The following PTPRD variants were observed in gnomAD, a reference collection of about 807,000 sequenced individuals.
PTPRD encodes receptor-type tyrosine-protein phosphatase delta.
PTPRD carries 34 observed loss-of-function variants against 214.5 expected under a neutral mutation model. The observed-to-expected ratio is 0.16, with a 90% CI of 0.12 to 0.21. The LOEUF (loss-of-function observed/expected upper bound fraction) is 0.21, where lower values mean the gene tolerates loss of function less well. Ranked by LOEUF, PTPRD falls within the 10% of genes least tolerant of loss-of-function variation. PTPRD has a pLI of 1.00. For missense variants in PTPRD, 2,545 were observed against 2,398.7 expected (o/e 1.06, Z -1.27); for synonymous variants, 1,128 against 845.7 (o/e 1.33, Z -5.79).
intron 2 of PTPRD, among the ~76,000 whole-genome samples, chr9:10,382,745 A>G (rs1447000649): frequency 6.6e-6 from 1 of 151,930 alleles, no homozygotes; most frequent in African/African-American, 2.4e-5. Flanking sequence ...ATCTATTTTT[A>G]TCCACTAATT....
intron 2 of PTPRD, among the ~76,000 whole-genome samples, chr9:10,372,836 C>CATTATTATT (rs6150914): frequency 0.78 from 113,893 of 146,454 alleles, 45,018 homozygotes; most frequent in East Asian, 0.88. Flanking sequence ...TGTTTTTATA[C>CATTATTATT]ATTATTATTA....
At chr9:8,434,052 G>A (rs747779230) in intron 35 of PTPRD, among the ~76,000 whole-genome samples, 8 of 152,052 alleles carry the variant, frequency 5.3e-5, no homozygotes, top group South Asian at 2.1e-4. Context: ...TGCGACCCTT[G>A]GCTCACTGCA....
At chr9:9,861,293 T>C (rs2062710558) in intron 5 of PTPRD, among the ~76,000 whole-genome samples, 1 of 152,118 alleles carries the variant, frequency 6.6e-6, no homozygotes, top group Admixed American at 6.5e-5. Flanking sequence ...TTTTTTGTTT[T>C]TTGCTTTTTG....
At position 9,666,222 on chromosome 9, in the gene PTPRD, T is replaced by C. The variant is rs188179317; in HGVS notation, c.-287+68311A>G. 7.4e-3 allele frequency among the ~76,000 whole-genome samples: 1,123 copies of C among 152,058 alleles called. 13 individuals carry two copies. Among genetic ancestry groups the C allele is most frequent in the African/African-American group, 0.026 (1,066 of 41,536 alleles). On this transcript the variant is annotated intron_variant, in intron 7 of 45. Transcript: ENST00000381196. ...TGATTAATGCCTATTGGTGAGGGAT[T>C]GGTTAATTAAAACATTAAACATTTA...
At position 9,817,601 on chromosome 9, in the gene PTPRD, C is replaced by G. The variant is rs545276117; in HGVS notation, c.-367-50750G>C. ...TCCATAAAAAACTGAATGTAAAATA[C>G]TGATGACAGTTAATTTTGTTTCTTT... On this transcript the variant is annotated intron_variant, in intron 5 of 45. Coordinates refer to ENST00000381196, the MANE Select transcript of PTPRD (RefSeq NM_002839.4). 2.6e-5 allele frequency among the ~76,000 whole-genome samples: 4 copies of G among 152,222 alleles called. No homozygotes were observed. The South Asian group carries it at 8.3e-4, about 32-fold the overall frequency.
chr9:8,986,051 T>G lies in PTPRD; in HGVS notation c.-104+32646A>C, dbSNP rs570751784. ...AATTATAAAACTAACTTTTTGAGTC[T>G]GTTGGAAAAAGCTTGGAAGGACCTT... On this transcript the variant is annotated intron_variant, in intron 11 of 45. Transcript: ENST00000381196. Among the ~76,000 whole-genome samples, 94 of 152,200 alleles carry G rather than the reference T, an allele frequency of 6.2e-4. 1 individual carries two copies. The highest frequency in any genetic ancestry group is 2.2e-3 in the African/African-American group (92 of 41,564).
intron 9 of PTPRD, among the ~76,000 whole-genome samples, chr9:9,323,297 AC>A (rs1304392651): frequency 3.9e-5 from 6 of 152,158 alleles, no homozygotes; most frequent in Non-Finnish European, 7.3e-5. Context: ...AATAATGCTT[AC>A]AAAGTTCACT....
intron 7 of PTPRD, among the ~76,000 whole-genome samples, chr9:9,583,187 C>G (rs1413806083): frequency 6.6e-6 from 1 of 151,874 alleles, no homozygotes; most frequent in African/African-American, 2.4e-5. Flanking sequence ...AAAAAGTATA[C>G]AATGAAAGTG....
chr9:9,639,089 C>A (rs989022030), intron 7 of PTPRD, among the ~76,000 whole-genome samples: 1 of 152,162 alleles, frequency 6.6e-6, no homozygotes, highest in Non-Finnish European at 1.5e-5. Context: ...CAAACCATAG[C>A]AAATCTCGAA....
intron 39 of PTPRD, among the ~76,000 whole-genome samples, chr9:8,345,139 G>A (rs1375744323): frequency 2.0e-5 from 3 of 151,896 alleles, no homozygotes; most frequent in East Asian, 1.9e-4. Context: ...TATACCTGAG[G>A]AGCTTTCTGC....
At chr9:8,475,316 C>T (rs1565112365) in intron 30 of PTPRD, among the ~76,000 whole-genome samples, 1 of 152,164 alleles carries the variant, frequency 6.6e-6, no homozygotes, top group Non-Finnish European at 1.5e-5. Context: ...ACATTCTGAG[C>T]CCTTTCTCTG....
intron 10 of PTPRD, among the ~76,000 whole-genome samples, chr9:9,180,868 T>G (rs1286311960): frequency 8.5e-5 from 13 of 152,132 alleles, no homozygotes; most frequent in Admixed American, 7.2e-4. Context: ...CATCATGTCT[T>G]AAAAATTTTT....
chr9:8,644,923 G>C (rs984028159), intron 12 of PTPRD, among the ~76,000 whole-genome samples: 1 of 152,204 alleles, frequency 6.6e-6, no homozygotes, highest in Non-Finnish European at 1.5e-5. Context: ...CAACGGGCCT[G>C]AGCAAAACTT....
At chr9:8,667,785 C>T (rs911940794) in intron 12 of PTPRD, among the ~76,000 whole-genome samples, 7 of 151,712 alleles carry the variant, frequency 4.6e-5, no homozygotes, top group African/African-American at 1.7e-4. Flanking sequence ...AATAAAAATC[C>T]AAAATCTGAA....
chr9:8,499,824 A>C lies in PTPRD; in HGVS notation c.2145T>G (p.Pro715=). The part of the protein sequence containing the change: ...RTNEDVPSGP[P]RKVEVEAVNS... ...TGACAGCCTCTACCTCGACTTTGCGAGGAGGACCACTAGGAACTGGAACAA... is the reference window on the plus strand; with the variant it reads ...TGACAGCCTCTACCTCGACTTTGCGCGGAGGACCACTAGGAACTGGAACAA... Residue 715 remains proline, a synonymous_variant, in exon 25 of 46, where the codon CCT becomes CCG. Coordinates refer to ENST00000381196, the MANE Select transcript of PTPRD (RefSeq NM_002839.4). The C allele has an allele frequency of 6.2e-7, 1 of 1,612,206 alleles. No individual in the cohort carries two copies. Among genetic ancestry groups the C allele is most frequent in the Non-Finnish European group, 8.5e-7 (1 of 1,179,240 alleles).
intron 2 of PTPRD, among the ~76,000 whole-genome samples, chr9:10,378,448 C>G (rs541578795): frequency 6.6e-6 from 1 of 151,892 alleles, no homozygotes; most frequent in Non-Finnish European, 1.5e-5. Context: ...AGTTTGAGGT[C>G]TTAAGTTTAA....
At chr9:10,486,831 G>C (rs2099135966) in intron 2 of PTPRD, among the ~76,000 whole-genome samples, 1 of 152,102 alleles carries the variant, frequency 6.6e-6, no homozygotes, top group Admixed American at 6.6e-5. Flanking sequence ...TTGGTCTTTA[G>C]TACAGATTAA....
intron 11 of PTPRD, among the ~76,000 whole-genome samples, chr9:8,834,486 T>C (rs2097369909): frequency 6.6e-6 from 1 of 152,196 alleles, no homozygotes; most frequent in African/African-American, 2.4e-5. Flanking sequence ...ACACATTTAA[T>C]TCCCAAAACT....
At chr9:10,188,209 G>GA (rs1218727391) in intron 3 of PTPRD, among the ~76,000 whole-genome samples, 1 of 151,926 alleles carries the variant, frequency 6.6e-6, no homozygotes, top group African/African-American at 2.4e-5. Context: ...TCATTTTATG[G>GA]ATATGCATTC....
Sources: gnomAD v4.1 joint callset for allele counts (sites outside exome capture counted in the v4.1 genomes callset) on GRCh38, gnomAD v4.1.1 for gene constraint, MANE v1.5 for transcripts, NCBI Gene and HGNC (gene_info 2026-07-23, HGNC 2026-07-21) for gene names.